SEC16A: variants seen among roughly 807,000 people sequenced by gnomAD.
SEC16A encodes SEC16 homolog A, endoplasmic reticulum export factor.
Under a neutral mutation model 221.9 loss-of-function variants are expected in SEC16A, and 110 were observed. The observed-to-expected ratio is 0.50, with a 90% CI of 0.42 to 0.58. SEC16A has a LOEUF of 0.58. SEC16A is among the 20% of genes least tolerant of loss of function. The pLI is 0.00. For missense variants in SEC16A, 3,165 were observed against 3,097.8 expected (o/e 1.02, Z -0.52); for synonymous variants, 1,393 against 1,257.7 (o/e 1.11, Z -2.28).
rs924370992 is a variant in SEC16A at position 136,466,576 on chromosome 9, C to T, written c.3930-114G>A. 1.1e-6 allele frequency: 1 copy of T among 942,198 alleles called. No homozygotes were observed. The allele number at this position is 942,198 out of a possible 1,614,324, so 58.4% of individuals were successfully genotyped here. ...CGAGACCCCTGGGGCCGAGGCACAACACAGCACACCCGACACTCAGGGCCC... is the reference window on the plus strand; with the variant it reads ...CGAGACCCCTGGGGCCGAGGCACAATACAGCACACCCGACACTCAGGGCCC... On this transcript the variant is annotated intron_variant, in intron 6 of 31. Transcript: ENST00000684901. This position sits in a 1 kb window ranked among gnomAD's most constrained non-coding sequence, Gnocchi z 5.5.
intron 3 of SEC16A, 105 bp downstream of exon 3, chr9:136,473,944 C>T (rs757836538): frequency 7.7e-7 from 1 of 1,306,140 alleles, no homozygotes; most frequent in Non-Finnish European, 1.1e-6. Flanking sequence ...GTGGGTGACC[C>T]CGGAACCAAG....
intron 3 of SEC16A, 104 bp downstream of exon 3, chr9:136,473,945 C>A: frequency 7.6e-7 from 1 of 1,312,218 alleles, no homozygotes; most frequent in Non-Finnish European, 1.0e-6. Context: ...TGGGTGACCC[C>A]GGAACCAAGC....
chr9:136,457,311 C>T (rs1311956870), intron 18 of SEC16A, 133 bp downstream of exon 18: 9 of 980,524 alleles, frequency 9.2e-6, no homozygotes, highest in African/African-American at 1.6e-5. Flanking sequence ...CTTTATCCGC[C>T]CAAGAGGCAG....
chr9:136,445,053 T>G lies in SEC16A; in HGVS notation c.6926A>C (p.Gln2309Pro), dbSNP rs1836774325. Residue 2309 changes from glutamine to proline, a missense_variant and splice_region_variant, in exon 30 of 32, where the codon CAG becomes CCG. This residue lies in a region of SEC16A where 1,088 missense variants were observed against 1,089.6 expected (regional missense o/e 1.00). Transcript: ENST00000684901. ...LSREVSQHFN[Q>P]APGDLPAAGG... ...GTGAGGACCACCAGCCGCAGGTACCTGATTAAAATGCTGGCTCACTTCACG... is the reference window on the plus strand; with the variant it reads ...GTGAGGACCACCAGCCGCAGGTACCGGATTAAAATGCTGGCTCACTTCACG... 3 of 1,605,306 alleles carry G rather than the reference T, an allele frequency of 1.9e-6. No individual in the cohort carries two copies. The highest frequency in any genetic ancestry group is 2.6e-6 in the Non-Finnish European group (3 of 1,176,204).
In SEC16A at chr9:136,443,865, G is replaced by A; in HGVS notation, c.6963C>T (p.Pro2321=). The A allele has an allele frequency of 6.2e-7, 1 of 1,611,600 alleles. No homozygotes were observed. Among genetic ancestry groups the A allele is most frequent in the African/African-American group, 1.3e-5 (1 of 74,920 alleles). Residue 2321 remains proline (P), a synonymous_variant, in exon 31 of 32, where the codon CCC becomes CCT. Transcript: ENST00000684901. ...GGTTGTAGAAGGGCATGGCCCCGCTGGGAGGGCCCCCTGCAGCAGGGAGGT... is the reference window on the plus strand; with the variant it reads ...GGTTGTAGAAGGGCATGGCCCCGCTAGGAGGGCCCCCTGCAGCAGGGAGGT... ...PGDLPAAGGP[P]SGAMPFYNPA...
chr9:136,482,549 A>G (rs1842523986), intron 1 of SEC16A, among the ~76,000 whole-genome samples: 1 of 152,254 alleles, frequency 6.6e-6, no homozygotes, highest in Non-Finnish European at 1.5e-5. Context: ...TCAAATGTAA[A>G]TGTGTCTCTT....
At position 136,475,918 on chromosome 9, in the gene SEC16A, G is replaced by T. The variant is rs1023296280; in HGVS notation, c.1698C>A (p.Ile566=). ...DEASGSFFKQ[I]DSSPVGGETD... is the part of the protein sequence containing the mutation. ...TTTCACCTCCTACGGGAGAAGAATC[G>T]ATTTGCTTAAAAAAACTACCTGAAG... The change falls in exon 3 of 32, where the codon ATC becomes ATA. Residue 566 remains isoleucine (I), a synonymous_variant. Coordinates refer to ENST00000684901, the MANE Select transcript of SEC16A (RefSeq NM_014866.2). The surrounding 1 kb of genome is among the most constrained non-coding windows in gnomAD (Gnocchi z 5.0). 2 of 1,612,870 alleles carry T rather than the reference G, an allele frequency of 1.2e-6. No homozygotes were observed. The highest frequency in any genetic ancestry group is 2.7e-5 in the African/African-American group (2 of 74,894).
At chr9:136,444,919 G>T in intron 30 of SEC16A, 133 bp downstream of exon 30, 2 of 652,614 alleles carry the variant, frequency 3.1e-6, no homozygotes, top group Non-Finnish European at 2.7e-6. Flanking sequence ...TGTACCCTTG[G>T]TCACGTGACG....
At position 136,454,272 on chromosome 9, in the gene SEC16A, G is replaced by C; in HGVS notation, c.5913C>G (p.Phe1971Leu). The C allele has an allele frequency of 1.3e-6, 2 of 1,583,862 alleles. No individual in the cohort carries two copies. The highest frequency in any genetic ancestry group is 1.7e-6 in the Non-Finnish European group (2 of 1,165,564). Residue 1971 changes from phenylalanine (F) to leucine (L), a missense_variant, in exon 21 of 32, where the codon TTC (phenylalanine) becomes TTG (leucine). Physicochemically the swap from Phe to Leu is conservative, Grantham distance 22 (BLOSUM62 0). Coordinates refer to ENST00000684901, the MANE Select transcript of SEC16A (RefSeq NM_014866.2). ...PLASPARVPM[F>L]PVPLPPGPLE... ...GGGGCCCCGGGGGCAGTGGCACTGG[G>C]AACATCGGCACTCTGGCAGGACTGG... is the stretch of plus-strand genomic sequence containing the variant.
chr9:136,472,085 T>G lies in SEC16A; in HGVS notation c.3594A>C (p.Arg1198=), dbSNP rs368749150. ...YQDVYSLYEP[R]YRPYDGAASA... Reference sequence around the variant, plus strand: ...ACGCAGCACCATCATAGGGCCTGTATCGAGGCTCATAGAGGCTGTAGACAT... The same window carrying G: ...ACGCAGCACCATCATAGGGCCTGTAGCGAGGCTCATAGAGGCTGTAGACAT... Residue 1198 remains arginine (R), a synonymous_variant, in exon 4 of 32, where the codon CGA becomes CGC. Coordinates refer to ENST00000684901, the MANE Select transcript of SEC16A (RefSeq NM_014866.2). 6.2e-7 allele frequency: 1 copy of G among 1,613,680 alleles called. No individual in the cohort carries two copies. Among genetic ancestry groups the G allele is most frequent in the Non-Finnish European group, 8.5e-7 (1 of 1,179,890 alleles).
In SEC16A at chr9:136,475,596, C is replaced by T; in HGVS notation, c.2020G>A (p.Val674Ile). ...DNMETLCAPQ[V>I]CPLPLNSTTE... ...GTGGAGTTAAGAGGCAGGGGACAGA[C>T]CTGGGGTGCACAGAGGGTCTCCATG... Residue 674 changes from valine to isoleucine, a missense_variant, in exon 3 of 32, where the codon GTC becomes ATC. This residue lies in a region of SEC16A where 2,030 missense variants were observed against 1,923.1 expected (regional missense o/e 1.06). Coordinates refer to ENST00000684901, the MANE Select transcript of SEC16A (RefSeq NM_014866.2). This position sits in a 1 kb window ranked among gnomAD's most constrained non-coding sequence, Gnocchi z 5.0. 6.2e-7 allele frequency: 1 copy of T among 1,613,616 alleles called. No homozygotes were observed. Among genetic ancestry groups the T allele is most frequent in the Non-Finnish European group, 8.5e-7 (1 of 1,179,808 alleles).
chr9:136,443,897 G>C lies in SEC16A; in HGVS notation c.6931C>G (p.Pro2311Ala). The change falls in exon 31 of 32, where the codon CCT becomes GCT. Residue 2311 changes from proline (P) to alanine (A), a missense_variant. Coordinates refer to ENST00000684901, the MANE Select transcript of SEC16A (RefSeq NM_014866.2). The stretch of plus-strand genomic sequence containing the variant: ...CCCCCTGCAGCAGGGAGGTCGCCAG[G>C]AGCCTGAGAAGCACAGAGAAGTCAC... ...REVSQHFNQAPGDLPAAGGPP... is the reference protein window; with the variant it reads ...REVSQHFNQAAGDLPAAGGPP... 6.2e-7 allele frequency: 1 copy of C among 1,609,180 alleles called. No homozygotes were observed.
rs747270474 is a variant in SEC16A at position 136,447,216 on chromosome 9, G to A, written c.6697+11C>T. 1.1e-5 allele frequency: 18 copies of A among 1,586,748 alleles called. No homozygotes were observed. The East Asian group carries it at 1.8e-4, about 16-fold the overall frequency. On this transcript the variant is annotated intron_variant, in intron 27 of 31. Coordinates refer to ENST00000684901, the MANE Select transcript of SEC16A (RefSeq NM_014866.2). The surrounding 1 kb of genome is among the most constrained non-coding windows in gnomAD (Gnocchi z 5.5). ...GGCTGACCTGGAGGGGCTGGTGCTCGTGCTACCTACCTGGGGTTGGCACGA... is the reference window on the plus strand; with the variant it reads ...GGCTGACCTGGAGGGGCTGGTGCTCATGCTACCTACCTGGGGTTGGCACGA...
At chr9:136,451,560 G>A (rs1420418039) in intron 22 of SEC16A, among the ~76,000 whole-genome samples, 152 bp from the exon 23 acceptor site, 1 of 152,188 alleles carries the variant, frequency 6.6e-6, no homozygotes, top group African/African-American at 2.4e-5. Flanking sequence ...AAGGGGGCTG[G>A]GGAGAGCAGC....
chr9:136,448,197 A>G, intron 23 of SEC16A, 36 bp from the exon 24 acceptor site: 2 of 1,561,340 alleles, frequency 1.3e-6, no homozygotes, highest in Non-Finnish European at 1.8e-6. Flanking sequence ...CTTTGAAAAC[A>G]TTATGTTCCA....
At position 136,466,281 on chromosome 9, in the gene SEC16A, T is replaced by C. The variant is rs1220276258; in HGVS notation, c.4111A>G (p.Ser1371Gly). The C allele has an allele frequency of 1.9e-6, 3 of 1,579,136 alleles. No individual in the cohort carries two copies. The highest frequency in any genetic ancestry group is 2.6e-6 in the Non-Finnish European group (3 of 1,162,508). The change falls in exon 7 of 32, where the codon AGC becomes GGC. Residue 1371 changes from serine (S) to glycine (G), a missense_variant. Around this residue, in one of 3 missense-constraint regions of SEC16A, gnomAD observed 2,030 missense variants for 1,923.1 expected, o/e 1.06. Transcript: ENST00000684901. This position sits in a 1 kb window ranked among gnomAD's most constrained non-coding sequence, Gnocchi z 5.5. The stretch of plus-strand genomic sequence containing the variant: ...CCGCGTACCTGGTGCGAGTGGGAGC[T>C]GAGGCTGCTGCGGCGGCTGGCCAGG... ...HSLASRRSSL[S>G]SHSHQSQIYR...
intron 22 of SEC16A, among the ~76,000 whole-genome samples, chr9:136,452,734 C>T (rs1838011301): frequency 1.4e-5 from 2 of 139,086 alleles, no homozygotes; most frequent in Admixed American, 1.6e-4. Flanking sequence ...CCACTGCATT[C>T]CAGCCTAGGC....
upstream of SEC16A, chr9:136,483,875 G>T: frequency 2.2e-6 from 2 of 900,616 alleles, no homozygotes; most frequent in African/African-American, 3.6e-5. Context: ...TGGTTGCCTG[G>T]TTACGGCGTG....
intron 31 of SEC16A, 43 bp from the exon 32 acceptor site, chr9:136,441,866 A>C (rs1323670724): frequency 6.4e-7 from 1 of 1,561,326 alleles, no homozygotes; most frequent in Admixed American, 1.7e-5. Context: ...GCCTGCCCCC[A>C]GGGTGAGCAG....
Sources: allele counts gnomAD v4.1 joint callset (sites outside exome capture counted in the v4.1 genomes callset), GRCh38; gene constraint gnomAD v4.1.1; regional missense constraint gnomAD v4.1.1; non-coding constraint Gnocchi (gnomAD v3.1); transcripts MANE v1.5; gene names NCBI Gene and HGNC (gene_info 2026-07-23, HGNC 2026-07-21).